Variants in DOCK3 observed in about 807,000 individuals in gnomAD.
The protein encoded by DOCK3 is dedicator of cytokinesis 3.
Under a neutral mutation model 265.6 loss-of-function variants are expected in DOCK3, and 60 were observed. That is an observed-to-expected ratio of 0.23 (90% CI 0.18 to 0.28). DOCK3 has a LOEUF of 0.28. DOCK3 is among the 10% of genes least tolerant of loss of function. The probability of loss-of-function intolerance (pLI) is 1.00; values close to 1 mark genes in which losing one functional copy is unlikely to be tolerated. For synonymous variants in DOCK3, 881 were observed against 938.0 expected (o/e 0.94, Z 1.11); for missense variants, 1,981 against 2,594.3 (o/e 0.76, Z 5.14).
intron 1 of DOCK3, among the ~76,000 whole-genome samples, chr3:50,686,337 G>A (rs1233958758): frequency 6.6e-6 from 1 of 152,200 alleles, no homozygotes; most frequent in Non-Finnish European, 1.5e-5. Context: ...GCAATCTCAG[G>A]ATATTCCGCC....
chr3:50,845,774 G>T (rs2046050895), intron 3 of DOCK3, among the ~76,000 whole-genome samples: 1 of 152,092 alleles, frequency 6.6e-6, no homozygotes, highest in Non-Finnish European at 1.5e-5. Flanking sequence ...GGAGGCAGAG[G>T]TTCAAGCGAT....
At chr3:51,010,867 C>T (rs1362178547) in intron 5 of DOCK3, among the ~76,000 whole-genome samples, 1 of 152,092 alleles carries the variant, frequency 6.6e-6, no homozygotes, top group Non-Finnish European at 1.5e-5. Context: ...TTTATTTCTC[C>T]TTCACTTATG....
At chr3:51,193,952 T>C (rs1413767330) in intron 12 of DOCK3, among the ~76,000 whole-genome samples, 1 of 151,934 alleles carries the variant, frequency 6.6e-6, no homozygotes, top group African/African-American at 2.4e-5. Flanking sequence ...TAGTTTTGGG[T>C]TTCATTTGTT....
chr3:50,717,475 G>A (rs1223696483), intron 1 of DOCK3, among the ~76,000 whole-genome samples: 1 of 152,068 alleles, frequency 6.6e-6, no homozygotes, highest in Non-Finnish European at 1.5e-5. Flanking sequence ...GTGTATATAT[G>A]TATGTGTGTA....
At chr3:51,011,226 G>A (rs1315421784) in intron 5 of DOCK3, among the ~76,000 whole-genome samples, 1 of 152,182 alleles carries the variant, frequency 6.6e-6, no homozygotes, top group African/African-American at 2.4e-5. Flanking sequence ...TTCCAACTTG[G>A]TTCCGTTCTC....
intron 5 of DOCK3, among the ~76,000 whole-genome samples, chr3:50,970,764 T>C (rs1217401580): frequency 2.0e-5 from 3 of 146,460 alleles, no homozygotes; most frequent in African/African-American, 7.5e-5. Context: ...TATCACTCTC[T>C]TGCCCAGACT....
intron 4 of DOCK3, among the ~76,000 whole-genome samples, chr3:50,922,847 A>G (rs1189672976): frequency 6.7e-6 from 1 of 149,966 alleles, no homozygotes; most frequent in East Asian, 2.0e-4. Flanking sequence ...GTGATTTGTG[A>G]GATTTTGGTG....
At chr3:50,753,492 A>G (rs573871446) in intron 1 of DOCK3, among the ~76,000 whole-genome samples, 3 of 152,156 alleles carry the variant, frequency 2.0e-5, no homozygotes, top group African/African-American at 7.2e-5. Flanking sequence ...AGTGTGTGCT[A>G]CCATGCTTGG....
intron 32 of DOCK3, among the ~76,000 whole-genome samples, chr3:51,321,406 C>A (rs2083718596): frequency 6.6e-6 from 1 of 152,058 alleles, no homozygotes; most frequent in Non-Finnish European, 1.5e-5. Context: ...TTCCAAAAAC[C>A]AGAATGCCTC....
intron 5 of DOCK3, among the ~76,000 whole-genome samples, chr3:50,950,157 T>C (rs932685147): frequency 2.0e-5 from 3 of 152,196 alleles, no homozygotes; most frequent in African/African-American, 2.4e-5. Flanking sequence ...CTGCCTGTTA[T>C]ATACTTTCAG....
intron 22 of DOCK3, among the ~76,000 whole-genome samples, chr3:51,249,645 A>C: frequency 7.3e-5 from 1 of 13,658 alleles, no homozygotes. Flanking sequence ...TCCGGGAGGG[A>C]GGTGGGGGGG....
At chr3:50,900,600 A>G in intron 4 of DOCK3, 1 of 388,012 alleles carries the variant, frequency 2.6e-6, no homozygotes, top group East Asian at 9.6e-5. Flanking sequence ...GTTTTTCCTC[A>G]TCTTCGTGGA....
At chr3:50,880,166 A>G (rs1421002805) in intron 3 of DOCK3, among the ~76,000 whole-genome samples, 1 of 152,248 alleles carries the variant, frequency 6.6e-6, no homozygotes, top group Non-Finnish European at 1.5e-5. Flanking sequence ...CTAAATGCCC[A>G]CAAGAGAAAG....
chr3:50,892,803 T>G (rs2048702711), intron 4 of DOCK3, among the ~76,000 whole-genome samples: 1 of 152,066 alleles, frequency 6.6e-6, no homozygotes, highest in Admixed American at 6.6e-5. Context: ...ATCATTTCAA[T>G]GCATCACTCT....
intron 12 of DOCK3, among the ~76,000 whole-genome samples, chr3:51,198,968 T>G (rs1405745693): frequency 1.3e-5 from 2 of 151,798 alleles, no homozygotes; most frequent in African/African-American, 4.8e-5. Flanking sequence ...AGGTGGAGGT[T>G]GCAGTGACCC....
At chr3:51,030,513 T>A (rs2080006181) in intron 5 of DOCK3, among the ~76,000 whole-genome samples, 1 of 152,196 alleles carries the variant, frequency 6.6e-6, no homozygotes, top group Non-Finnish European at 1.5e-5. Context: ...GGATACACCC[T>A]CTAGTGGTTC....
chr3:50,749,808 G>C (rs2039674639), intron 1 of DOCK3, among the ~76,000 whole-genome samples: 2 of 152,288 alleles, frequency 1.3e-5, no homozygotes, highest in South Asian at 4.1e-4. Context: ...CATTTCAGAT[G>C]CCTTAAGGTA....
At chr3:50,842,528 A>T (rs1404634877) in intron 3 of DOCK3, among the ~76,000 whole-genome samples, 1 of 152,132 alleles carries the variant, frequency 6.6e-6, no homozygotes, top group Admixed American at 6.6e-5. Context: ...GTGGTTTCTC[A>T]TTCTTGGCAC....
intron 5 of DOCK3, among the ~76,000 whole-genome samples, chr3:50,983,893 G>A (rs915404831): frequency 1.3e-5 from 2 of 152,156 alleles, no homozygotes; most frequent in African/African-American, 4.8e-5. Context: ...GGCTATGACT[G>A]TCTCTTTGGG....
Sources: gnomAD v4.1 joint callset for allele counts (sites outside exome capture counted in the v4.1 genomes callset) on GRCh38, gnomAD v4.1.1 for gene constraint, MANE v1.5 for transcripts, NCBI Gene and HGNC (gene_info 2026-07-23, HGNC 2026-07-21) for gene names.